The following NAA35 variants were observed in gnomAD, a reference collection of about 807,000 sequenced individuals.
NAA35 encodes the protein MAK10 homolog, amino-acid N-acetyltransferase subunit.
A neutral mutation model predicts 101.7 loss-of-function variants in NAA35; 18 were observed. The ratio of observed to expected loss-of-function variants is 0.18; its 90% CI spans 0.12 to 0.26. The LOEUF (loss-of-function observed/expected upper bound fraction) is 0.26. Among genes scored for constraint, NAA35 ranks in the 10% least tolerant of loss-of-function variants. NAA35 has a pLI of 1.00. For missense variants in NAA35, 601 were observed against 886.8 expected (o/e 0.68, Z 4.09); for synonymous variants, 267 against 273.1 (o/e 0.98, Z 0.22).
chr9:86,006,565 C>T (rs1000140533), intron 13 of NAA35, among the ~76,000 whole-genome samples: 2 of 152,130 alleles, frequency 1.3e-5, no homozygotes, highest in Admixed American at 6.5e-5. Context: ...TATATGATTT[C>T]GTTTTAATGA....
At chr9:85,967,714 A>G (rs1587589837) in intron 6 of NAA35, among the ~76,000 whole-genome samples, 2 of 152,108 alleles carry the variant, frequency 1.3e-5, no homozygotes, top group East Asian at 3.9e-4. Context: ...AGGCAGGAGA[A>G]TGGCGTGAAC....
rs1258425307 is a variant in NAA35, at chr9:86,023,231, C to T, written c.*1271C>T. On this transcript the variant is annotated 3_prime_UTR_variant, in exon 23 of 23. Transcript: ENST00000361671. ...ATTAGGTGTCCTGAAATTTCAGAAC[C>T]GAAAAATCTTAAAAAAAATTATTTT... 1.3e-5 allele frequency among the ~76,000 whole-genome samples: 2 copies of T among 151,782 alleles called. No individual in the cohort carries two copies. The highest frequency in any genetic ancestry group is 2.4e-5 in the African/African-American group (1 of 41,318).
In NAA35 at chr9:86,022,306, C is replaced by G. The variant is rs953688012; in HGVS notation, c.*346C>G. Reference sequence around the variant, plus strand: ...TTCTTGACAAAAAAAAAATGCACTGCTGGAGATGAAAAACAGTAGGTCTTT... The same window carrying G: ...TTCTTGACAAAAAAAAAATGCACTGGTGGAGATGAAAAACAGTAGGTCTTT... On this transcript the variant is annotated 3_prime_UTR_variant, in exon 23 of 23. Coordinates refer to ENST00000361671, the MANE Select transcript of NAA35 (RefSeq NM_024635.4). 5.8e-6 allele frequency: 1 copy of G among 173,498 alleles called. No individual in the cohort carries two copies. The highest frequency in any genetic ancestry group is 2.4e-5 in the African/African-American group (1 of 41,724). 10.7% of individuals were successfully genotyped at this position (173,498 alleles called of 1,614,324 possible).
chr9:85,988,003 C>T (rs190605686), intron 11 of NAA35, among the ~76,000 whole-genome samples: 2 of 152,338 alleles, frequency 1.3e-5, no homozygotes, highest in East Asian at 3.9e-4. Flanking sequence ...CATGTACTGT[C>T]TTGGTTTCTG....
At chr9:85,949,555 A>G (rs576582333) in intron 2 of NAA35, among the ~76,000 whole-genome samples, 10 of 152,146 alleles carry the variant, frequency 6.6e-5, no homozygotes, top group African/African-American at 2.2e-4. Flanking sequence ...GGCCTCCCAA[A>G]GTGCTGGGAT....
chr9:85,950,467 A>G (rs982886697), intron 2 of NAA35, among the ~76,000 whole-genome samples: 2 of 151,790 alleles, frequency 1.3e-5, no homozygotes, highest in African/African-American at 4.8e-5. Flanking sequence ...CTGTTCTCGA[A>G]CTCCTGACCT....
At chr9:85,950,823 A>G (rs933818205) in intron 2 of NAA35, among the ~76,000 whole-genome samples, 1 of 152,176 alleles carries the variant, frequency 6.6e-6, no homozygotes, top group African/African-American at 2.4e-5. Flanking sequence ...AAACTGAGAC[A>G]TTTAAAAAAT....
intron 10 of NAA35, among the ~76,000 whole-genome samples, chr9:85,977,974 G>A (rs1587607232): frequency 6.8e-6 from 1 of 146,238 alleles, no homozygotes; most frequent in South Asian, 2.1e-4. Flanking sequence ...TGGTAGAATT[G>A]TTGAAAATTT....
Position 86,023,659 on chromosome 9 carries a change from G to T in NAA35, c.*1699G>T, listed in dbSNP as rs1022646913. ...CACTTTTAATTAAGAGGGTGTGCTGGCATTTTTTAGCTACTATGTCTGATT... is the reference window on the plus strand; with the variant it reads ...CACTTTTAATTAAGAGGGTGTGCTGTCATTTTTTAGCTACTATGTCTGATT... On this transcript the variant is annotated 3_prime_UTR_variant, in exon 23 of 23. Coordinates refer to ENST00000361671, the MANE Select transcript of NAA35 (RefSeq NM_024635.4). Among the ~76,000 whole-genome samples, 1 of 152,182 alleles carries T rather than the reference G, an allele frequency of 6.6e-6. No individual in the cohort carries two copies. Among genetic ancestry groups the T allele is most frequent in the African/African-American group, 2.4e-5 (1 of 41,442 alleles).
Position 85,959,812 on chromosome 9 carries a change from A to C in NAA35, c.293A>C (p.Lys98Thr). The C allele has an allele frequency of 6.2e-7, 1 of 1,609,520 alleles. No homozygotes were observed. The highest frequency in any genetic ancestry group is 8.5e-7 in the Non-Finnish European group (1 of 1,178,540). ...QAIKDGTIKI[K>T]DLTLPELIGI... ...TTTTAGGATGGCACTATTAAAATTA[A>C]AGATCTCACCTTGCCTGAACTGATA... The change falls in exon 5 of 23, where the codon AAA becomes ACA. Residue 98 changes from lysine to threonine, a missense_variant. Around this residue, in one of 8 missense-constraint regions of NAA35, gnomAD observed 42 missense variants for 41.2 expected, o/e 1.02. Coordinates refer to ENST00000361671, the MANE Select transcript of NAA35 (RefSeq NM_024635.4).
chr9:86,017,591 T>C, intron 19 of NAA35, 26 bp downstream of exon 19: 1 of 1,601,992 alleles, frequency 6.2e-7, no homozygotes, highest in Non-Finnish European at 8.5e-7. Flanking sequence ...TGAAGTTCTT[T>C]TTGCCTTTTA....
chr9:86,015,806 C>T, intron 17 of NAA35: 1 of 978,254 alleles, frequency 1.0e-6, no homozygotes, highest in Non-Finnish European at 1.2e-6. Context: ...AGGTAGAAGA[C>T]ATCATCAGTT....
chr9:86,022,040 C>T lies in NAA35; in HGVS notation c.*80C>T, dbSNP rs1488275239. On this transcript the variant is annotated 3_prime_UTR_variant, in exon 23 of 23. Coordinates refer to ENST00000361671, the MANE Select transcript of NAA35 (RefSeq NM_024635.4). ...TTAGAGGGCACATCACCAGGCTCCA[C>T]ATCACGGGAAGTGAGATGGATTTCT... 2 of 1,057,346 alleles carry T rather than the reference C, an allele frequency of 1.9e-6. No individual in the cohort carries two copies. Among genetic ancestry groups the T allele is most frequent in the Non-Finnish European group, 2.8e-6 (2 of 703,444 alleles). 65.5% of individuals were successfully genotyped at this position (1,057,346 alleles called of 1,614,324 possible).
intron 2 of NAA35, among the ~76,000 whole-genome samples, chr9:85,943,454 T>C (rs555450966): frequency 1.3e-5 from 2 of 152,210 alleles, no homozygotes; most frequent in African/African-American, 4.8e-5. Context: ...TGGATAGTGC[T>C]CTGAAGGGGA....
intron 6 of NAA35, among the ~76,000 whole-genome samples, chr9:85,972,616 C>G (rs1283006590): frequency 1.3e-5 from 2 of 151,834 alleles, no homozygotes; most frequent in African/African-American, 4.8e-5. Context: ...CACACTGGCC[C>G]TGTATTCATT....
intron 13 of NAA35, among the ~76,000 whole-genome samples, chr9:86,007,001 A>T (rs909679242): frequency 2.0e-5 from 3 of 152,222 alleles, no homozygotes; most frequent in Non-Finnish European, 4.4e-5. Flanking sequence ...CATTAGAGGT[A>T]AACAGGATTA....
rs747886020 is a variant in NAA35 at position 85,952,426 on chromosome 9, CA to C, written c.125-3933del. 7.2e-5 allele frequency among the ~76,000 whole-genome samples: 11 copies of C among 151,826 alleles called. 1 individual carries two copies. Among genetic ancestry groups the C allele is most frequent in the Admixed American group, 1.3e-4 (2 of 15,218 alleles). On this transcript the variant is annotated intron_variant, in intron 2 of 22. Transcript: ENST00000361671. ...TCAGCCTCCCGAGTAGCTGGGATTA[CA>C]GGCGCACACCACCATGCCAAGCTAA...
At chr9:85,990,860 C>A (rs1201581127) in intron 11 of NAA35, among the ~76,000 whole-genome samples, 1 of 152,064 alleles carries the variant, frequency 6.6e-6, no homozygotes, top group Non-Finnish European at 1.5e-5. Flanking sequence ...CTAGCATGGG[C>A]CATCAGAGTC....
intron 11 of NAA35, among the ~76,000 whole-genome samples, chr9:85,980,305 C>T (rs572562281): frequency 1.3e-5 from 2 of 151,982 alleles, no homozygotes; most frequent in South Asian, 2.1e-4. Context: ...AACCTTTGGC[C>T]ATTGGTGAGC....
Sources: gnomAD v4.1 joint callset for allele counts (sites outside exome capture counted in the v4.1 genomes callset) on GRCh38, gnomAD v4.1.1 for gene constraint, gnomAD v4.1.1 regional missense constraint, MANE v1.5 for transcripts, NCBI Gene and HGNC (gene_info 2026-07-23, HGNC 2026-07-21) for gene names.